Variants in ELMO1 observed in about 807,000 individuals in gnomAD.
ELMO1 encodes the protein engulfment and cell motility 1.
Under a neutral mutation model 98.9 loss-of-function variants are expected in ELMO1, and 26 were observed. The ratio of observed to expected loss-of-function variants is 0.26; its 90% confidence interval spans 0.19 to 0.36. The LOEUF is 0.36. ELMO1 is among the 10% of genes least tolerant of loss of function. The pLI is 1.00. For missense variants in ELMO1, 627 were observed against 935.2 expected (o/e 0.67, Z 4.30); for synonymous variants, 346 against 346.0 (o/e 1.00, Z 0.00).
chr7:37,091,224 C>T (rs1318561463), intron 15 of ELMO1, among the ~76,000 whole-genome samples: 1 of 152,174 alleles, frequency 6.6e-6, no homozygotes, highest in Non-Finnish European at 1.5e-5. Flanking sequence ...TCTCCTGTCT[C>T]AGCTTCCTGA....
chr7:37,095,017 T>C (rs6976675), intron 15 of ELMO1, among the ~76,000 whole-genome samples: 6,159 of 152,250 alleles, frequency 0.04, 424 homozygotes, highest in African/African-American at 0.14. Flanking sequence ...CGGCATGTCA[T>C]AGAACATGAG....
chr7:36,860,051 T>G (rs1802496054), intron 21 of ELMO1, among the ~76,000 whole-genome samples: 1 of 152,236 alleles, frequency 6.6e-6, no homozygotes, highest in Non-Finnish European at 1.5e-5. Flanking sequence ...TATTTTCTCT[T>G]CCTTATGACT....
At chr7:37,107,405 T>A (rs1354349224) in intron 14 of ELMO1, among the ~76,000 whole-genome samples, 1 of 152,210 alleles carries the variant, frequency 6.6e-6, no homozygotes, top group Non-Finnish European at 1.5e-5. Flanking sequence ...CTAAGGCATC[T>A]TTTTAACATT....
chr7:36,950,482 A>T (rs944096079), intron 16 of ELMO1, among the ~76,000 whole-genome samples: 48 of 151,982 alleles, frequency 3.2e-4, no homozygotes, highest in African/African-American at 1.2e-3. Flanking sequence ...GCCCCTGGCC[A>T]CTCCTATCTT....
intron 16 of ELMO1, among the ~76,000 whole-genome samples, chr7:36,946,644 A>G (rs1234784746): frequency 6.6e-6 from 1 of 152,156 alleles, no homozygotes; most frequent in Admixed American, 6.5e-5. Flanking sequence ...CTTTCTTCTA[A>G]AACCATCAAG....
intron 6 of ELMO1, among the ~76,000 whole-genome samples, chr7:37,248,776 G>A (rs760467952): frequency 7.2e-5 from 11 of 152,238 alleles, no homozygotes; most frequent in East Asian, 1.9e-4. Flanking sequence ...TAGATGAATC[G>A]CTTTGGCCTG....
At chr7:36,862,051 G>A (rs533910994) in intron 20 of ELMO1, 5 of 316,192 alleles carry the variant, frequency 1.6e-5, no homozygotes, top group South Asian at 1.1e-4. Flanking sequence ...CTGCCTCCTC[G>A]CCCGCCACCA....
intron 1 of ELMO1, among the ~76,000 whole-genome samples, chr7:37,345,481 G>A (rs1424055984): frequency 6.6e-6 from 1 of 151,956 alleles, no homozygotes; most frequent in Non-Finnish European, 1.5e-5. Flanking sequence ...AGACTGAGGC[G>A]GGTGGATCAC....
chr7:37,324,202 T>C (rs527335453), intron 2 of ELMO1, among the ~76,000 whole-genome samples: 18 of 152,318 alleles, frequency 1.2e-4, no homozygotes, highest in African/African-American at 4.3e-4. Context: ...TTGGGGACTT[T>C]ACTAAGCCCA....
chr7:37,023,387 G>A (rs1279618241), intron 15 of ELMO1, among the ~76,000 whole-genome samples: 1 of 152,160 alleles, frequency 6.6e-6, no homozygotes, highest in African/African-American at 2.4e-5. Flanking sequence ...GGGCTTTTCA[G>A]AATGAGTGTG....
At chr7:37,115,485 A>C (rs988295467) in intron 14 of ELMO1, among the ~76,000 whole-genome samples, 5 of 152,214 alleles carry the variant, frequency 3.3e-5, no homozygotes, top group Non-Finnish European at 5.9e-5. Context: ...AACAGGCTAA[A>C]GAAGAAAAGT....
chr7:37,197,659 CAGGT>C (rs1792052195), intron 13 of ELMO1, among the ~76,000 whole-genome samples: 1 of 150,956 alleles, frequency 6.6e-6, no homozygotes, highest in African/African-American at 2.4e-5. Flanking sequence ...CAATGGGAAG[CAGGT>C]AACTGGATCA....
chr7:37,187,513 A>C (rs1420425), intron 13 of ELMO1, among the ~76,000 whole-genome samples: 83,443 of 152,030 alleles, frequency 0.55, 24,280 homozygotes, highest in East Asian at 0.67. Flanking sequence ...CAAATTTTGT[A>C]AAAGTGATTA....
At chr7:37,368,015 A>T (rs1360522734) in intron 1 of ELMO1, among the ~76,000 whole-genome samples, 2 of 152,228 alleles carry the variant, frequency 1.3e-5, no homozygotes, top group African/African-American at 2.4e-5. Flanking sequence ...TAGGCAAATT[A>T]GGAATGGCAG....
At chr7:37,048,343 G>A (rs895451831) in intron 15 of ELMO1, among the ~76,000 whole-genome samples, 1 of 152,020 alleles carries the variant, frequency 6.6e-6, no homozygotes. Flanking sequence ...TACCAATTAC[G>A]CACTTATAAA....
chr7:37,270,734 T>G (rs752140384), intron 5 of ELMO1: 6 of 152,226 alleles, frequency 3.9e-5, no homozygotes, highest in Non-Finnish European at 8.8e-5. Context: ...GCGTCTTGTT[T>G]AGCAGCTTTA....
At chr7:37,398,419 T>C (rs940612167) in intron 1 of ELMO1, among the ~76,000 whole-genome samples, 1 of 152,208 alleles carries the variant, frequency 6.6e-6, no homozygotes, top group African/African-American at 2.4e-5. Context: ...TGAAGCCCTC[T>C]TCACTGCTCC....
Position 37,299,336 on chromosome 7 carries a change from G to C in ELMO1, c.192+15514C>G, listed in dbSNP as rs561700452. On this transcript the variant is annotated intron_variant, in intron 4 of 21. Transcript: ENST00000310758. ...TTGCTTTTGGTGTTTTGGACATGAAGTCCTTGCCCATGCCTATGTCCTGAA... is the reference window on the plus strand; with the variant it reads ...TTGCTTTTGGTGTTTTGGACATGAACTCCTTGCCCATGCCTATGTCCTGAA... Among the ~76,000 whole-genome samples, 7 of 151,670 alleles carry C rather than the reference G, an allele frequency of 4.6e-5. No individual in the cohort carries two copies. In the East Asian group the frequency reaches 1.4e-3, roughly 30 times the overall value.
chr7:36,906,250 G>T (rs1229397369), intron 16 of ELMO1, among the ~76,000 whole-genome samples: 2 of 152,188 alleles, frequency 1.3e-5, no homozygotes, highest in African/African-American at 4.8e-5. Context: ...TGGCCACAAA[G>T]TTGAACTTCA....
Sources: allele counts gnomAD v4.1 joint callset (sites outside exome capture counted in the v4.1 genomes callset), GRCh38; gene constraint gnomAD v4.1.1; transcripts MANE v1.5; gene names NCBI Gene and HGNC (gene_info 2026-07-23, HGNC 2026-07-21).